RTN1: variants seen among roughly 807,000 people sequenced by gnomAD.
RTN1 encodes the protein reticulon 1.
RTN1 carries 25 observed loss-of-function variants against 65.5 expected under a neutral mutation model. That is an observed-to-expected ratio of 0.38 (90% CI 0.28 to 0.53). The LOEUF (loss-of-function observed/expected upper bound fraction) is 0.53, where lower values mean the gene tolerates loss of function less well. Among genes scored for constraint, RTN1 ranks in the 20% least tolerant of loss-of-function variants. The pLI, the probability that RTN1 is intolerant of heterozygous loss-of-function variation, is 0.79. For synonymous variants in RTN1, 471 were observed against 447.6 expected, an observed-to-expected ratio of 1.05 and a Z score of -0.66; for missense variants, 983 against 1,025.4, an observed-to-expected ratio of 0.96 and a Z score of 0.57.
intron 8 of RTN1, 102 bp from the exon 9 acceptor site, chr14:59,596,889 TTC>T (rs1198678828): frequency 1.2e-6 from 1 of 853,218 alleles, no homozygotes; most frequent in Non-Finnish European, 2.0e-6. Flanking sequence ...GAACTTAATA[TTC>T]CAGAAGATAT....
rs1382637435 is a variant in RTN1, at chr14:59,819,423, CCACCCCCCA to C, written c.241+50958_241+50966del. On this transcript the variant is annotated intron_variant, in intron 1 of 8. Coordinates refer to ENST00000267484, the MANE Select transcript of RTN1 (RefSeq NM_021136.3). ...CATCCACACCACCACCACCCCCCCC[CCACCCCCCA>C]CCCCCCCCCCCCGGCCACAGCTAGA... Among the ~76,000 whole-genome samples, 59 of 13,298 alleles carry C rather than the reference CCACCCCCCA, an allele frequency of 4.4e-3. 13 individuals are homozygous for C. Among genetic ancestry groups the C allele is most frequent in the Non-Finnish European group, 8.3e-3 (32 of 3,862 alleles). The allele number at this position is 13,298 out of a possible 152,430, so 8.7% of individuals were successfully genotyped here. A position where few individuals can be genotyped will look rare whatever the true frequency, so the allele number is the denominator to read the frequency against.
chr14:59,829,312 G>A lies in RTN1; in HGVS notation c.241+41078C>T, dbSNP rs1222514055. Among the ~76,000 whole-genome samples the A allele has an allele frequency of 6.6e-6, 1 of 152,118 alleles. No individual in the cohort carries two copies. Among genetic ancestry groups the A allele is most frequent in the Non-Finnish European group, 1.5e-5 (1 of 68,026 alleles). The stretch of plus-strand genomic sequence containing the variant: ...AAAACATGCTGTTGCACAAAAGTGG[G>A]GGGAATCAAAATGTGATGGGTGTTT... On this transcript the variant is annotated intron_variant, in intron 1 of 8. Transcript: ENST00000267484. This position sits in a 1 kb window ranked among gnomAD's most constrained non-coding sequence, Gnocchi z 4.3.
intron 2 of RTN1, among the ~76,000 whole-genome samples, chr14:59,731,624 C>T: frequency 6.6e-6 from 1 of 152,176 alleles, no homozygotes; most frequent in Non-Finnish European, 1.5e-5. Context: ...CTGAATTCTA[C>T]TGAATACATC....
At chr14:59,769,353 C>A (rs1481672312) in intron 1 of RTN1, among the ~76,000 whole-genome samples, 1 of 152,124 alleles carries the variant, frequency 6.6e-6, no homozygotes, top group Admixed American at 6.6e-5. Flanking sequence ...GCATAGCAAG[C>A]ATTTCTGAGG....
At chr14:59,640,912 T>C (rs1345603685) in intron 3 of RTN1, among the ~76,000 whole-genome samples, 1 of 152,252 alleles carries the variant, frequency 6.6e-6, no homozygotes, top group Admixed American at 6.5e-5. Context: ...TCTTTTGCTT[T>C]AATTCACTAT....
In RTN1 at chr14:59,836,609, G is replaced by C. The variant is rs1887217070; in HGVS notation, c.241+33781C>G. Among the ~76,000 whole-genome samples, 1 of 152,208 alleles carries C rather than the reference G, an allele frequency of 6.6e-6. No individual in the cohort carries two copies. The highest frequency in any genetic ancestry group is 2.4e-5 in the African/African-American group (1 of 41,458). On this transcript the variant is annotated intron_variant, in intron 1 of 8. Transcript: ENST00000267484. The surrounding 1 kb of genome is among the most constrained non-coding windows in gnomAD (Gnocchi z 4.9). ...AAATCATATGAACAAAATAGTGGCA[G>C]CAGGAAAGCAAAAATGCATTTTTGA... is the stretch of plus-strand genomic sequence containing the variant.
chr14:59,602,194 T>G (rs1881600788), intron 8 of RTN1, among the ~76,000 whole-genome samples: 2 of 152,194 alleles, frequency 1.3e-5, no homozygotes. Context: ...CATCTTTAAC[T>G]ACCTAAAATG....
In RTN1 at chr14:59,826,726, A is replaced by C. The variant is rs376203307; in HGVS notation, c.241+43664T>G. The stretch of plus-strand genomic sequence containing the variant: ...CCAGGCAGCACACAGGTTTTCATCT[A>C]GCAAATGTTTATTGAGTACCTACTC... On this transcript the variant is annotated intron_variant, in intron 1 of 8. Transcript: ENST00000267484. Among the ~76,000 whole-genome samples, 7 of 152,374 alleles carry C rather than the reference A, an allele frequency of 4.6e-5. No individual in the cohort carries two copies. The East Asian group carries it at 9.6e-4, about 21-fold the overall frequency.
chr14:59,616,648 G>A (rs1473721665), intron 3 of RTN1, among the ~76,000 whole-genome samples: 4 of 152,144 alleles, frequency 2.6e-5, no homozygotes, highest in African/African-American at 7.2e-5. Context: ...TGCCACAAAA[G>A]TAAACAAAAC....
At chr14:59,808,301 G>A (rs1886671624) in intron 1 of RTN1, among the ~76,000 whole-genome samples, 1 of 152,120 alleles carries the variant, frequency 6.6e-6, no homozygotes, top group Non-Finnish European at 1.5e-5. Flanking sequence ...GATGCTGAAA[G>A]TCTATTAAGA....
At chr14:59,819,415 C>CCA (rs1886890450) in intron 1 of RTN1, among the ~76,000 whole-genome samples, 1 of 10,130 alleles carries the variant, frequency 9.9e-5, no homozygotes, top group African/African-American at 4.3e-4. Context: ...ACCACCACCA[C>CCA]CCCCCCCCCA....
At chr14:59,751,812 C>T (rs980312486) in intron 1 of RTN1, among the ~76,000 whole-genome samples, 1 of 152,220 alleles carries the variant, frequency 6.6e-6, no homozygotes, top group African/African-American at 2.4e-5. Flanking sequence ...GTGTCACTTG[C>T]TCAGTGCCCA....
intron 1 of RTN1, among the ~76,000 whole-genome samples, chr14:59,759,243 T>G (rs1885701090): frequency 6.6e-6 from 1 of 152,200 alleles, no homozygotes; most frequent in Non-Finnish European, 1.5e-5. Flanking sequence ...CCAACCTTAT[T>G]TTAAACATTT....
intron 1 of RTN1, among the ~76,000 whole-genome samples, chr14:59,760,681 T>C (rs151113260): frequency 1.8e-3 from 275 of 152,358 alleles, no homozygotes; most frequent in African/African-American, 6.3e-3. Context: ...ACCTTCTTCA[T>C]CCTCTTCTTC....
In RTN1 at chr14:59,803,879, T is replaced by A. The variant is rs1285456448; in HGVS notation, c.242-57398A>T. Among the ~76,000 whole-genome samples the A allele has an allele frequency of 6.6e-6, 1 of 152,218 alleles. No homozygotes were observed. The highest frequency in any genetic ancestry group is 2.4e-5 in the African/African-American group (1 of 41,456). ...AATGTGATTTAGGGTTTTATTTATTTATTTATGTTTACACTTTTAATTTTA... is the reference window on the plus strand; with the variant it reads ...AATGTGATTTAGGGTTTTATTTATTAATTTATGTTTACACTTTTAATTTTA... On this transcript the variant is annotated intron_variant, in intron 1 of 8. Coordinates refer to ENST00000267484, the MANE Select transcript of RTN1 (RefSeq NM_021136.3). This position sits in a 1 kb window ranked among gnomAD's most constrained non-coding sequence, Gnocchi z 5.6.
chr14:59,596,691 C>A lies in RTN1; in HGVS notation c.*54G>T. 2 of 1,286,688 alleles carry A rather than the reference C, an allele frequency of 1.6e-6. No individual in the cohort carries two copies. The highest frequency in any genetic ancestry group is 1.2e-5 in the South Asian group (1 of 84,518). The allele number at this position is 1,286,688 out of a possible 1,614,324, so 79.7% of individuals were successfully genotyped here. A position where few individuals can be genotyped will look rare whatever the true frequency, so the allele number is the denominator to read the frequency against. Reference sequence around the variant, plus strand: ...TTTGCAGTAATGAGTAAGAAGAGAGCTGTTACCACTCCAGACATTCCTGTT... The same window carrying A: ...TTTGCAGTAATGAGTAAGAAGAGAGATGTTACCACTCCAGACATTCCTGTT... On this transcript the variant is annotated 3_prime_UTR_variant, in exon 9 of 9. Transcript: ENST00000267484.
chr14:59,624,553 C>A (rs895176266), intron 3 of RTN1, among the ~76,000 whole-genome samples: 16 of 152,156 alleles, frequency 1.1e-4, no homozygotes, highest in African/African-American at 3.1e-4. Flanking sequence ...CCTCTGCCCC[C>A]TGGGTTCAAG....
chr14:59,644,701 G>A (rs941177692), intron 3 of RTN1, among the ~76,000 whole-genome samples: 7 of 152,232 alleles, frequency 4.6e-5, no homozygotes, highest in African/African-American at 7.2e-5. Flanking sequence ...GCTAGCCACC[G>A]ATGGTGGCAT....
At chr14:59,658,643 G>A (rs897796371) in intron 3 of RTN1, among the ~76,000 whole-genome samples, 1 of 152,180 alleles carries the variant, frequency 6.6e-6, no homozygotes, top group South Asian at 2.1e-4. Flanking sequence ...CAGCAGAGGG[G>A]CCTGTTAGAA....
Sources: allele counts gnomAD v4.1 joint callset (sites outside exome capture counted in the v4.1 genomes callset), GRCh38; gene constraint gnomAD v4.1.1; non-coding constraint Gnocchi (gnomAD v3.1); transcripts MANE v1.5; gene names NCBI Gene and HGNC (gene_info 2026-07-23, HGNC 2026-07-21).